NRP2: variants seen among roughly 807,000 people sequenced by gnomAD.
The protein encoded by NRP2 is neuropilin-2.
Under a neutral mutation model 110.4 loss-of-function variants are expected in NRP2, and 52 were observed. The observed-to-expected ratio is 0.47, with a 90% CI of 0.38 to 0.59. NRP2 has a LOEUF of 0.59. Ranked by LOEUF, NRP2 falls within the 20% of genes least tolerant of loss-of-function variation. The pLI is 0.00. For synonymous variants in NRP2, 508 were observed against 468.9 expected (o/e 1.08, Z -1.08); for missense variants, 1,049 against 1,203.0 (o/e 0.87, Z 1.89).
chr2:205,776,297 A>G, intron 15 of NRP2: 1 of 1,613,190 alleles, frequency 6.2e-7, no homozygotes, highest in East Asian at 2.2e-5. Flanking sequence ...GTGCCCATGC[A>G]GCCCATCCCA....
chr2:205,788,157 G>A (rs190975933), intron 15 of NRP2, among the ~76,000 whole-genome samples: 9 of 152,224 alleles, frequency 5.9e-5, no homozygotes, highest in East Asian at 1.9e-4. Flanking sequence ...ATGCCTCACC[G>A]TGTACCTACT....
At chr2:205,756,004 T>C (rs1214672915) in intron 12 of NRP2, among the ~76,000 whole-genome samples, 1 of 152,218 alleles carries the variant, frequency 6.6e-6, no homozygotes, top group Non-Finnish European at 1.5e-5. Flanking sequence ...TTTCTCATAT[T>C]TTCTTTCTTT....
At chr2:205,767,382 G>A (rs761313955) in intron 15 of NRP2, 1 of 514,028 alleles carries the variant, frequency 1.9e-6, no homozygotes, top group Admixed American at 2.0e-5. Flanking sequence ...ACACAGAAGT[G>A]GTGGCCTCAG....
intron 3 of NRP2, chr2:205,722,143 T>TCC: frequency 3.2e-6 from 1 of 310,744 alleles, no homozygotes; most frequent in Non-Finnish European, 5.9e-6. Context: ...TTCAAGAGAA[T>TCC]CCCTCTCTCT....
intron 2 of NRP2, among the ~76,000 whole-genome samples, chr2:205,706,147 A>T (rs555750872): frequency 6.6e-6 from 1 of 151,958 alleles, no homozygotes; most frequent in East Asian, 1.9e-4. Flanking sequence ...CTGGAGTCCA[A>T]AGATGTGAGG....
Position 205,686,123 on chromosome 2 carries a change from T to A in NRP2, c.73+2760T>A, listed in dbSNP as rs368302792. Among the ~76,000 whole-genome samples the A allele has an allele frequency of 7.8e-4, 117 of 149,926 alleles. 2 individuals carry two copies. In the East Asian group the frequency reaches 0.017, roughly 22 times the overall value. ...AGCAGAAACAGAGCCCAGCGATCCA[T>A]AAACATTCTATTAAGCAAAAATATT... On this transcript the variant is annotated intron_variant, in intron 1 of 16. Coordinates refer to ENST00000357785, the MANE Select transcript of NRP2 (RefSeq NM_003872.3). This position sits in a 1 kb window ranked among gnomAD's most constrained non-coding sequence, Gnocchi z 4.7.
chr2:205,715,170 T>C (rs1445046565), intron 2 of NRP2, among the ~76,000 whole-genome samples: 3 of 152,168 alleles, frequency 2.0e-5, no homozygotes, highest in Non-Finnish European at 2.9e-5. Flanking sequence ...GAGTATTAAC[T>C]GGGAGCCCAA....
chr2:205,696,814 T>G (rs2056437776), intron 1 of NRP2, among the ~76,000 whole-genome samples: 1 of 152,238 alleles, frequency 6.6e-6, no homozygotes, highest in Non-Finnish European at 1.5e-5. Context: ...AAAGCACCTT[T>G]GTCGAAATTC....
At chr2:205,710,692 C>T (rs531921175) in intron 2 of NRP2, among the ~76,000 whole-genome samples, 84 of 152,298 alleles carry the variant, frequency 5.5e-4, no homozygotes, top group African/African-American at 2.0e-3. Flanking sequence ...CCTTTTTAGA[C>T]ATCGTGCAGC....
At chr2:205,753,208 G>T (rs553705275) in intron 12 of NRP2, among the ~76,000 whole-genome samples, 1 of 152,160 alleles carries the variant, frequency 6.6e-6, no homozygotes, top group Non-Finnish European at 1.5e-5. Flanking sequence ...AGGGAGAAGC[G>T]GAAGCCAAGA....
chr2:205,773,220 G>A (rs376289444), intron 15 of NRP2, among the ~76,000 whole-genome samples: 27 of 152,332 alleles, frequency 1.8e-4, no homozygotes, highest in African/African-American at 6.3e-4. Context: ...CTTTGGAGTT[G>A]AGTCTTTTTA....
intron 16 of NRP2, among the ~76,000 whole-genome samples, chr2:205,794,352 T>TG (rs2058332598): frequency 6.6e-6 from 1 of 152,138 alleles, no homozygotes; most frequent in Non-Finnish European, 1.5e-5. Flanking sequence ...CCTCGTGATC[T>TG]GCCCGCCTCG....
intron 13 of NRP2, 80 bp downstream of exon 13, chr2:205,764,016 G>A: frequency 2.6e-6 from 4 of 1,551,274 alleles, no homozygotes; most frequent in Admixed American, 1.7e-5. Context: ...TAGGGAACGT[G>A]GTTAAGCGCT....
At chr2:205,721,829 C>A (rs2057018878) in intron 3 of NRP2, among the ~76,000 whole-genome samples, 1 of 152,172 alleles carries the variant, frequency 6.6e-6, no homozygotes, top group African/African-American at 2.4e-5. Flanking sequence ...CTGTGATCCA[C>A]CAGCTAAAAA....
intron 12 of NRP2, among the ~76,000 whole-genome samples, chr2:205,758,821 C>T (rs1031417703): frequency 6.6e-6 from 1 of 152,194 alleles, no homozygotes; most frequent in Non-Finnish European, 1.5e-5. Context: ...CAAGAACAGG[C>T]AGGGCTGGTT....
At chr2:205,690,579 TACACACACACAC>T (rs10591632) in intron 1 of NRP2, among the ~76,000 whole-genome samples, 1,758 of 124,208 alleles carry the variant, frequency 0.014, 25 homozygotes, top group Middle Eastern at 0.051. Flanking sequence ...CTGCTAAAAA[TACACACACACAC>T]ACACACACAC....
At chr2:205,753,523 G>GT (rs1160460949) in intron 12 of NRP2, among the ~76,000 whole-genome samples, 2 of 152,166 alleles carry the variant, frequency 1.3e-5, no homozygotes, top group East Asian at 1.9e-4. Context: ...GAGTATTGCT[G>GT]TAAGTCCTGG....
At chr2:205,727,730 C>T (rs185028713) in intron 6 of NRP2, among the ~76,000 whole-genome samples, 161 bp from the exon 7 acceptor site, 87 of 152,272 alleles carry the variant, frequency 5.7e-4, no homozygotes, top group Non-Finnish European at 9.3e-4. Context: ...TGAGTTTAAT[C>T]GTCCAATGGA....
chr2:205,747,495 CA>C (rs1248196600), intron 10 of NRP2, among the ~76,000 whole-genome samples: 1 of 152,336 alleles, frequency 6.6e-6, no homozygotes, highest in Admixed American at 6.5e-5. Flanking sequence ...GTAACTGAAA[CA>C]AAAGGTTCCC....
Sources: allele counts gnomAD v4.1 joint callset (sites outside exome capture counted in the v4.1 genomes callset), GRCh38; gene constraint gnomAD v4.1.1; non-coding constraint Gnocchi (gnomAD v3.1); transcripts MANE v1.5; gene names NCBI Gene and HGNC (gene_info 2026-07-23, HGNC 2026-07-21).